The following DDX21 variants were observed in gnomAD, a reference collection of about 807,000 sequenced individuals.
DDX21 encodes the protein DExD-box helicase 21.
DDX21 carries 18 observed loss-of-function variants against 90.0 expected under a neutral mutation model. That is an observed-to-expected ratio of 0.20 (90% CI 0.14 to 0.30). DDX21 has a LOEUF of 0.30. Ranked by LOEUF, DDX21 falls within the 10% of genes least tolerant of loss-of-function variation. The probability of loss-of-function intolerance (pLI) is 1.00; values close to 1 mark genes in which losing one functional copy is unlikely to be tolerated. For missense variants in DDX21, 673 were observed against 944.5 expected, an observed-to-expected ratio of 0.71 and a Z score of 3.77; for synonymous variants, 294 against 318.0, an observed-to-expected ratio of 0.92 and a Z score of 0.80.
At chr10:68,957,792 G>GA (rs1233975724) in intron 1 of DDX21, among the ~76,000 whole-genome samples, 1 of 152,140 alleles carries the variant, frequency 6.6e-6, no homozygotes, top group African/African-American at 2.4e-5. Flanking sequence ...TCTATGATTT[G>GA]AGAACAGAGA....
At chr10:68,980,932 C>G (rs904353136) in intron 13 of DDX21, among the ~76,000 whole-genome samples, 1 of 149,742 alleles carries the variant, frequency 6.7e-6, no homozygotes, top group African/African-American at 2.5e-5. Context: ...CCAGCCTAGG[C>G]AGTAGAGCAA....
chr10:68,960,183 T>G lies in DDX21; in HGVS notation c.465T>G (p.Pro155=). 6.2e-7 allele frequency: 1 copy of G among 1,613,506 alleles called. No individual in the cohort carries two copies. Among genetic ancestry groups the G allele is most frequent in the South Asian group, 1.1e-5 (1 of 90,948 alleles). ...EKSPKLKNGF[P]HPEPDCNPSE... is the part of the protein sequence containing the mutation. Reference sequence around the variant, plus strand: ...GCCCCAAACTGAAGAATGGATTTCCTCATCCTGAACCGGACTGTAACCCCA... The same window carrying G: ...GCCCCAAACTGAAGAATGGATTTCCGCATCCTGAACCGGACTGTAACCCCA... The change falls in exon 2 of 15, where the codon CCT becomes CCG. Residue 155 remains proline (P), a synonymous_variant. Coordinates refer to ENST00000354185, the MANE Select transcript of DDX21 (RefSeq NM_004728.4).
rs371451925 is a variant in DDX21, at chr10:68,956,198, C to A, written c.-28C>A. 1.9e-6 allele frequency: 3 copies of A among 1,611,554 alleles called. No homozygotes were observed. The highest frequency in any genetic ancestry group is 2.5e-6 in the Non-Finnish European group (3 of 1,178,504). On this transcript the variant is annotated 5_prime_UTR_variant, in exon 1 of 15. Coordinates refer to ENST00000354185, the MANE Select transcript of DDX21 (RefSeq NM_004728.4). ...TTCCTCTCCACGCGGTTGAGAAGAC[C>A]GGTCGGCCTGGGCAACCTGCGCTGA... is the stretch of plus-strand genomic sequence containing the variant.
At position 68,984,007 on chromosome 10, in the gene DDX21, T is replaced by C. The variant is rs1237137659; in HGVS notation, c.*1195T>C. The C allele has an allele frequency of 6.6e-6, 1 of 152,208 alleles. No homozygotes were observed. Among genetic ancestry groups the C allele is most frequent in the Non-Finnish European group, 1.5e-5 (1 of 68,040 alleles). 9.4% of individuals were successfully genotyped at this position (152,208 alleles called of 1,614,324 possible). The stretch of plus-strand genomic sequence containing the variant: ...CCTTTTAAGACAAACTGTATGTGAT[T>C]AAGTTGTTTTGAGGGAACTGAAGAA... On this transcript the variant is annotated 3_prime_UTR_variant, in exon 15 of 15. Transcript: ENST00000354185.
chr10:68,961,228 C>T (rs1173925873), intron 2 of DDX21, among the ~76,000 whole-genome samples: 1 of 152,156 alleles, frequency 6.6e-6, no homozygotes, highest in Non-Finnish European at 1.5e-5. Context: ...AGCCACCACA[C>T]CCAGCTGAAA....
At chr10:68,979,581 G>A (rs1256102788) in intron 13 of DDX21, among the ~76,000 whole-genome samples, 1 of 152,164 alleles carries the variant, frequency 6.6e-6, no homozygotes, top group Non-Finnish European at 1.5e-5. Context: ...TATATGTCTA[G>A]GAAACTCCAC....
chr10:68,969,804 G>A (rs951189621), intron 7 of DDX21, among the ~76,000 whole-genome samples: 1 of 152,182 alleles, frequency 6.6e-6, no homozygotes. Context: ...CTGAGGAACA[G>A]ACCTGTATAT....
chr10:68,961,252 A>G (rs1225910962), intron 2 of DDX21, among the ~76,000 whole-genome samples: 1 of 152,188 alleles, frequency 6.6e-6, no homozygotes, highest in Non-Finnish European at 1.5e-5. Context: ...ACTAATTCTA[A>G]TAGATTTTCT....
intron 4 of DDX21, among the ~76,000 whole-genome samples, chr10:68,963,686 A>G (rs10998505): frequency 1.3e-5 from 2 of 152,040 alleles, no homozygotes; most frequent in African/African-American, 4.8e-5. Flanking sequence ...AATCTTTCCC[A>G]CAGTTTTGAT....
Position 68,983,158 on chromosome 10 carries a change from T to C in DDX21, c.*346T>C. 7.5e-6 allele frequency: 2 copies of C among 265,930 alleles called. No individual in the cohort carries two copies. Among genetic ancestry groups the C allele is most frequent in the South Asian group, 9.5e-5 (2 of 20,974 alleles). The allele number at this position is 265,930 out of a possible 1,614,324, so 16.5% of individuals were successfully genotyped here. A position where few individuals can be genotyped will look rare whatever the true frequency, so the allele number is the denominator to read the frequency against. Reference sequence around the variant, plus strand: ...CTTTATACTCAAAAGTGTCCCTTAATAGTGTCCTTCCCTGAAATAAATACC... The same window carrying C: ...CTTTATACTCAAAAGTGTCCCTTAACAGTGTCCTTCCCTGAAATAAATACC... On this transcript the variant is annotated 3_prime_UTR_variant, in exon 15 of 15. Coordinates refer to ENST00000354185, the MANE Select transcript of DDX21 (RefSeq NM_004728.4).
At chr10:68,979,389 A>G (rs1843154190) in intron 13 of DDX21, among the ~76,000 whole-genome samples, 1 of 152,220 alleles carries the variant, frequency 6.6e-6, no homozygotes. Flanking sequence ...GCCATAGACT[A>G]TCACAAGGAT....
At chr10:68,961,574 G>T (rs955492123) in intron 2 of DDX21, among the ~76,000 whole-genome samples, 10 of 152,044 alleles carry the variant, frequency 6.6e-5, no homozygotes, top group African/African-American at 2.4e-4. Context: ...ACGCTTAATG[G>T]TTACATAATC....
chr10:68,976,577 A>G lies in DDX21; in HGVS notation c.1743-952A>G, dbSNP rs534901222. Among the ~76,000 whole-genome samples, 10 of 152,264 alleles carry G rather than the reference A, an allele frequency of 6.6e-5. No homozygotes were observed. In the South Asian group the frequency reaches 1.2e-3, roughly 19 times the overall value. On this transcript the variant is annotated intron_variant, in intron 11 of 14. Coordinates refer to ENST00000354185, the MANE Select transcript of DDX21 (RefSeq NM_004728.4). ...GCTGGGATTATAGGCGTGAGCCACC[A>G]CACCCAGCCTGGAAGAGTGTATTTT...
In DDX21 at chr10:68,971,995, T is replaced by G; in HGVS notation, c.1491T>G (p.Ala497=). 1 of 1,614,220 alleles carries G rather than the reference T, an allele frequency of 6.2e-7. No individual in the cohort carries two copies. The highest frequency in any genetic ancestry group is 8.5e-7 in the Non-Finnish European group (1 of 1,180,030). Residue 497 remains alanine, a synonymous_variant, in exon 9 of 15, where the codon GCT becomes GCG. Coordinates refer to ENST00000354185, the MANE Select transcript of DDX21 (RefSeq NM_004728.4). ...SFGVLVATNV[A]ARGLDIPEVD... ...GAGTTTTGGTGGCAACCAATGTTGC[T>G]GCACGTGGGTTAGACATCCCTGAGG... is the stretch of plus-strand genomic sequence containing the variant.
chr10:68,961,823 A>G (rs1477973956), intron 2 of DDX21, among the ~76,000 whole-genome samples: 1 of 152,120 alleles, frequency 6.6e-6, no homozygotes, highest in Non-Finnish European at 1.5e-5. Context: ...CTTAGTTGAG[A>G]TCTTAGTTGA....
In DDX21 at chr10:68,978,937, T is replaced by C. The variant is rs747109263; in HGVS notation, c.1998T>C (p.Asp666=). ...AAGAGCAGCTGGGCGAGGAGATTGA[T>C]TCCAAAGTGAAGGGAATGGTTTTTC... ...ELKEQLGEEI[D]SKVKGMVFLK... The change falls in exon 13 of 15, where the codon GAT becomes GAC. Residue 666 remains aspartate (D), a synonymous_variant. Coordinates refer to ENST00000354185, the MANE Select transcript of DDX21 (RefSeq NM_004728.4). The C allele has an allele frequency of 6.2e-7, 1 of 1,614,204 alleles. No homozygotes were observed. Among genetic ancestry groups the C allele is most frequent in the South Asian group, 1.1e-5 (1 of 91,084 alleles).
intron 6 of DDX21, among the ~76,000 whole-genome samples, chr10:68,967,547 AT>A (rs1372048616): frequency 6.6e-6 from 1 of 151,980 alleles, no homozygotes. Flanking sequence ...AGAAACTTGG[AT>A]TAAAAAAAAA....
chr10:68,974,204 C>T (rs1445226098), intron 10 of DDX21, among the ~76,000 whole-genome samples: 1 of 152,172 alleles, frequency 6.6e-6, no homozygotes, highest in Admixed American at 6.5e-5. Context: ...TAGTGATAGG[C>T]ACATAGCCAT....
intron 8 of DDX21, 42 bp downstream of exon 8, chr10:68,970,392 C>T: frequency 6.3e-7 from 1 of 1,574,900 alleles, no homozygotes; most frequent in Non-Finnish European, 8.6e-7. Context: ...GGGATATCAA[C>T]AAATCTTCAC....
Sources: gnomAD v4.1 joint callset for allele counts (sites outside exome capture counted in the v4.1 genomes callset) on GRCh38, gnomAD v4.1.1 for gene constraint, MANE v1.5 for transcripts, NCBI Gene and HGNC (gene_info 2026-07-23, HGNC 2026-07-21) for gene names.